The following MSH4 variants were observed in gnomAD, a reference collection of about 807,000 sequenced individuals.
MSH4 encodes the protein mutS homolog 4.
A neutral mutation model predicts 113.7 loss-of-function variants in MSH4; 106 were observed. The ratio of observed to expected loss-of-function variants is 0.93; its 90% CI spans 0.80 to 1.10. MSH4 has a LOEUF of 1.10. MSH4 is among the 50% of genes least tolerant of loss of function. The probability of loss-of-function intolerance (pLI) is 0.00; values close to 1 mark genes in which losing one functional copy is unlikely to be tolerated. For missense variants in MSH4, 1,061 were observed against 1,093.7 expected, an observed-to-expected ratio of 0.97 and a Z score of 0.42; for synonymous variants, 368 against 380.2, an observed-to-expected ratio of 0.97 and a Z score of 0.37.
At position 75,861,466 on chromosome 1, in the gene MSH4, T is replaced by C. The variant is rs565809046; in HGVS notation, c.1231-6048T>C. On this transcript the variant is annotated intron_variant, in intron 8 of 19. Coordinates refer to ENST00000263187, the MANE Select transcript of MSH4 (RefSeq NM_002440.4). ...GGGTTTTGTGTGGATGTCCTTTTTG[T>C]TGATTTTGATGCCACTCCTTTCTGT... is the stretch of plus-strand genomic sequence containing the variant. Among the ~76,000 whole-genome samples the C allele has an allele frequency of 2.0e-5, 3 of 152,320 alleles. No homozygotes were observed. The East Asian group carries it at 5.8e-4, about 29-fold the overall frequency.
In MSH4 at chr1:75,903,089, C is replaced by T. The variant is rs1186076045; in HGVS notation, c.2619+3383C>T. The stretch of plus-strand genomic sequence containing the variant: ...TGTATTTTTGCTTTTATTGCCTGCA[C>T]ATTTGAGGTTTTACCCAAAAAGTCT... On this transcript the variant is annotated intron_variant, in intron 19 of 19. Transcript: ENST00000263187. Among the ~76,000 whole-genome samples the T allele has an allele frequency of 3.3e-5, 5 of 151,714 alleles. No individual in the cohort carries two copies. In the East Asian group the frequency reaches 9.7e-4, roughly 30 times the overall value.
chr1:75,868,966 G>T (rs1651650041), intron 9 of MSH4, among the ~76,000 whole-genome samples: 2 of 152,184 alleles, frequency 1.3e-5, no homozygotes, highest in African/African-American at 4.8e-5. Flanking sequence ...CTGCTGTAAA[G>T]GTACCTGAAA....
chr1:75,798,593 G>C (rs1649869557), intron 1 of MSH4, among the ~76,000 whole-genome samples: 1 of 133,180 alleles, frequency 7.5e-6, no homozygotes, highest in Non-Finnish European at 1.6e-5. Flanking sequence ...GTCTTGCTCT[G>C]TTGCCCAGGC....
At chr1:75,800,765 A>G (rs1475081917) in intron 1 of MSH4, among the ~76,000 whole-genome samples, 1 of 152,212 alleles carries the variant, frequency 6.6e-6, no homozygotes, top group African/African-American at 2.4e-5. Flanking sequence ...TTGGACATTT[A>G]GAATGCTGGG....
chr1:75,833,160 A>C (rs574142054), intron 7 of MSH4, among the ~76,000 whole-genome samples: 28 of 152,310 alleles, frequency 1.8e-4, no homozygotes, highest in Admixed American at 4.6e-4. Flanking sequence ...CAGAGAGCCA[A>C]CTCATGAGTG....
intron 7 of MSH4, among the ~76,000 whole-genome samples, chr1:75,831,912 A>G (rs1011086270): frequency 2.0e-5 from 3 of 152,232 alleles, no homozygotes; most frequent in Admixed American, 6.5e-5. Context: ...AAAAGCTAGC[A>G]GAAGATAAGA....
At chr1:75,841,002 G>A (rs1650947390) in intron 7 of MSH4, among the ~76,000 whole-genome samples, 2 of 152,168 alleles carry the variant, frequency 1.3e-5, no homozygotes, top group African/African-American at 2.4e-5. Flanking sequence ...TTTAGCAACA[G>A]GAGAATCCTA....
chr1:75,867,647 T>G, intron 9 of MSH4, 59 bp downstream of exon 9: 1 of 1,214,410 alleles, frequency 8.2e-7, no homozygotes, highest in Admixed American at 2.5e-5. Flanking sequence ...AACTTTTTGT[T>G]GGAAAAAAAT....
intron 17 of MSH4, among the ~76,000 whole-genome samples, chr1:75,891,686 T>C (rs1428757568): frequency 6.6e-6 from 1 of 152,126 alleles, no homozygotes; most frequent in Non-Finnish European, 1.5e-5. Context: ...ACTCCTGGGC[T>C]CAAGTGATCC....
Position 75,810,696 on chromosome 1 carries a change from G to A in MSH4, c.589-1G>A. On this transcript the variant is annotated splice_acceptor_variant, in intron 3 of 19. Coordinates refer to ENST00000263187, the MANE Select transcript of MSH4 (RefSeq NM_002440.4). LOFTEE classifies it high-confidence loss of function. ...GAAATTGTTTATTCAAATGATTTCA[G>A]GTGATCACTAAACTTAAAATTTTAT... 2.9e-6 allele frequency: 4 copies of A among 1,385,778 alleles called. No individual in the cohort carries two copies. The highest frequency in any genetic ancestry group is 4.0e-6 in the Non-Finnish European group (4 of 1,010,912). 85.8% of individuals were successfully genotyped at this position (1,385,778 alleles called of 1,614,324 possible).
chr1:75,870,075 A>C (rs887622459), intron 9 of MSH4, among the ~76,000 whole-genome samples: 2 of 152,214 alleles, frequency 1.3e-5, no homozygotes, highest in East Asian at 3.9e-4. Context: ...CACTTCTTGC[A>C]TCAGTGTGAC....
In MSH4 at chr1:75,857,447, C is replaced by G. The variant is rs139705917; in HGVS notation, c.1230+9171C>G. 1.6e-4 allele frequency among the ~76,000 whole-genome samples: 24 copies of G among 152,234 alleles called. 1 individual carries two copies. The East Asian group carries it at 4.6e-3, about 29-fold the overall frequency. The stretch of plus-strand genomic sequence containing the variant: ...TCTAACATTTAAGTATTTGATCCAT[C>G]TTGAGTTTATTTTTGTATAAGGTGT... On this transcript the variant is annotated intron_variant, in intron 8 of 19. Coordinates refer to ENST00000263187, the MANE Select transcript of MSH4 (RefSeq NM_002440.4).
chr1:75,854,126 C>T (rs1402147556), intron 8 of MSH4, among the ~76,000 whole-genome samples: 2 of 150,742 alleles, frequency 1.3e-5, no homozygotes, highest in African/African-American at 2.4e-5. Flanking sequence ...TTTCAATTTA[C>T]AGTCACAGGG....
At chr1:75,875,508 A>G (rs2100568028) in intron 9 of MSH4, among the ~76,000 whole-genome samples, 1 of 152,332 alleles carries the variant, frequency 6.6e-6, no homozygotes, top group African/African-American at 2.4e-5. Flanking sequence ...AAAAACCATT[A>G]TTAATGAAGC....
chr1:75,814,274 G>A (rs1040103016), intron 4 of MSH4, among the ~76,000 whole-genome samples: 1 of 128,206 alleles, frequency 7.8e-6, no homozygotes, highest in East Asian at 2.3e-4. Context: ...GCAGCATAGT[G>A]AGAACTTATC....
At chr1:75,798,759 C>T (rs537746214) in intron 1 of MSH4, among the ~76,000 whole-genome samples, 54 of 152,008 alleles carry the variant, frequency 3.6e-4, no homozygotes, top group East Asian at 1.9e-3. Context: ...TGTTTTCCTA[C>T]GTTGCCCAGC....
chr1:75,877,335 A>T (rs563920431), intron 10 of MSH4, among the ~76,000 whole-genome samples: 21 of 152,262 alleles, frequency 1.4e-4, no homozygotes, highest in Admixed American at 1.4e-3. Flanking sequence ...TAAATCATGA[A>T]GGGTCTAATG....
At chr1:75,862,016 A>G (rs900939822) in intron 8 of MSH4, among the ~76,000 whole-genome samples, 1 of 151,846 alleles carries the variant, frequency 6.6e-6, no homozygotes, top group African/African-American at 2.4e-5. Flanking sequence ...TCCCCCTGCC[A>G]AGCTCCCACA....
At chr1:75,876,304 T>G (rs1651817061) in intron 9 of MSH4, among the ~76,000 whole-genome samples, 1 of 152,148 alleles carries the variant, frequency 6.6e-6, no homozygotes, top group African/African-American at 2.4e-5. Flanking sequence ...GATTTAATTT[T>G]TTTCTTTCAA....
Sources: gnomAD v4.1 joint callset for allele counts (sites outside exome capture counted in the v4.1 genomes callset) on GRCh38, gnomAD v4.1.1 for gene constraint, MANE v1.5 for transcripts, NCBI Gene and HGNC (gene_info 2026-07-23, HGNC 2026-07-21) for gene names.